The following RIT2 variants were observed in gnomAD, a reference collection of about 807,000 sequenced individuals.
RIT2 encodes Ras like without CAAX 2, also known as GTP-binding protein Rit2.
RIT2 carries 24 observed loss-of-function variants against 23.7 expected under a neutral mutation model. The ratio of observed to expected loss-of-function variants is 1.01; its 90% CI spans 0.73 to 1.43. The LOEUF is 1.43. RIT2 is among the 40% of genes most tolerant of loss of function. The pLI is 0.00. For synonymous variants in RIT2, 107 were observed against 91.1 expected, an observed-to-expected ratio of 1.17 and a Z score of -0.99; for missense variants, 236 against 266.9, an observed-to-expected ratio of 0.88 and a Z score of 0.81.
chr18:42,820,197 C>T (rs1906109163), intron 4 of RIT2, among the ~76,000 whole-genome samples: 1 of 152,092 alleles, frequency 6.6e-6, no homozygotes, highest in Admixed American at 6.6e-5. Context: ...TTTCTTTTCA[C>T]CACTGGCATT....
intron 3 of RIT2, among the ~76,000 whole-genome samples, chr18:42,962,907 C>G (rs1454475405): frequency 2.6e-5 from 4 of 152,104 alleles, no homozygotes; most frequent in Non-Finnish European, 5.9e-5. Flanking sequence ...TTCTATTGAT[C>G]AGAAGACATT....
At chr18:43,058,147 A>G (rs539141534) in intron 1 of RIT2, among the ~76,000 whole-genome samples, 1 of 152,266 alleles carries the variant, frequency 6.6e-6, no homozygotes, top group East Asian at 1.9e-4. Context: ...TTAGAAGCAC[A>G]AGCTTGGTTG....
intron 4 of RIT2, among the ~76,000 whole-genome samples, chr18:42,836,986 T>C (rs1439305025): frequency 6.6e-6 from 1 of 152,066 alleles, no homozygotes; most frequent in African/African-American, 2.4e-5. Context: ...AAACTATCTA[T>C]GGAGACAGCT....
chr18:43,052,262 C>T (rs762174438), intron 1 of RIT2, among the ~76,000 whole-genome samples: 14 of 151,956 alleles, frequency 9.2e-5, no homozygotes, highest in Non-Finnish European at 2.1e-4. Flanking sequence ...AAAAGACCTG[C>T]ACTTAAATCA....
chr18:42,749,380 A>T (rs932926324), intron 4 of RIT2, among the ~76,000 whole-genome samples: 3 of 151,832 alleles, frequency 2.0e-5, no homozygotes, highest in African/African-American at 7.2e-5. Flanking sequence ...ATAAACACTC[A>T]AATTTAATGA....
chr18:43,081,314 T>C (rs186761146), intron 1 of RIT2, among the ~76,000 whole-genome samples: 1 of 152,186 alleles, frequency 6.6e-6, no homozygotes, highest in Non-Finnish European at 1.5e-5. Context: ...GGAGCTAACA[T>C]CATTTATTAT....
intron 4 of RIT2, among the ~76,000 whole-genome samples, chr18:42,916,756 G>A (rs1248758640): frequency 6.6e-6 from 1 of 152,052 alleles, no homozygotes; most frequent in Non-Finnish European, 1.5e-5. Flanking sequence ...TATCTCATCT[G>A]TCCCACCCAA....
chr18:42,917,469 T>C (rs1467290321), intron 4 of RIT2, among the ~76,000 whole-genome samples: 3 of 152,076 alleles, frequency 2.0e-5, no homozygotes, highest in African/African-American at 7.2e-5. Context: ...GTGTGCAGTA[T>C]GAGTATGGAA....
rs184240225 is a variant in RIT2 at position 42,878,085 on chromosome 18, C to T, written c.426+45487G>A. Among the ~76,000 whole-genome samples the T allele has an allele frequency of 2.0e-5, 3 of 150,794 alleles. No homozygotes were observed. The East Asian group carries it at 5.8e-4, about 29-fold the overall frequency. ...GATACTCAAACTGTATAAGCATATTCATATACATACACACACATATATATA... is the reference window on the plus strand; with the variant it reads ...GATACTCAAACTGTATAAGCATATTTATATACATACACACACATATATATA... On this transcript the variant is annotated intron_variant, in intron 4 of 4. Transcript: ENST00000326695.
At chr18:42,996,899 CTG>C (rs1910997922) in intron 2 of RIT2, among the ~76,000 whole-genome samples, 1 of 152,176 alleles carries the variant, frequency 6.6e-6, no homozygotes, top group Non-Finnish European at 1.5e-5. Context: ...CCTATGAAAA[CTG>C]TTTTTCCTAG....
At chr18:42,812,974 TTC>T (rs1262178352) in intron 4 of RIT2, among the ~76,000 whole-genome samples, 2 of 152,336 alleles carry the variant, frequency 1.3e-5, no homozygotes, top group Admixed American at 6.5e-5. Context: ...TTAAACCATA[TTC>T]TGTTTTATTT....
chr18:42,827,772 G>A (rs1401968481), intron 4 of RIT2, among the ~76,000 whole-genome samples: 3 of 151,850 alleles, frequency 2.0e-5, no homozygotes, highest in East Asian at 3.9e-4. Flanking sequence ...TTGGGAGGCC[G>A]AGGCGGGCGG....
At chr18:42,965,666 T>C (rs907514184) in intron 3 of RIT2, among the ~76,000 whole-genome samples, 1 of 127,618 alleles carries the variant, frequency 7.8e-6, no homozygotes, top group Non-Finnish European at 1.6e-5. Context: ...TAAAGAAATA[T>C]AAAAATATAA....
chr18:42,904,827 C>A (rs76931064), intron 4 of RIT2, among the ~76,000 whole-genome samples: 1 of 151,692 alleles, frequency 6.6e-6, no homozygotes, highest in Middle Eastern at 3.2e-3. Flanking sequence ...CAGAACGGGG[C>A]GTCAAAAGAA....
chr18:42,870,495 T>C (rs1047517216), intron 4 of RIT2, among the ~76,000 whole-genome samples: 4 of 152,176 alleles, frequency 2.6e-5, no homozygotes, highest in Non-Finnish European at 5.9e-5. Context: ...ATTACAGGCG[T>C]GAGCCACCAC....
chr18:42,840,284 G>T (rs2144022618), intron 4 of RIT2, among the ~76,000 whole-genome samples: 1 of 152,082 alleles, frequency 6.6e-6, no homozygotes, highest in Non-Finnish European at 1.5e-5. Flanking sequence ...ATTCCCACAG[G>T]CCATACAATA....
chr18:43,099,817 C>T (rs147722442), intron 1 of RIT2, among the ~76,000 whole-genome samples: 2,899 of 152,220 alleles, frequency 0.019, 43 homozygotes, highest in Non-Finnish European at 0.028. Context: ...TAGGCCCCAA[C>T]GCTCTCCTAT....
chr18:43,025,549 G>A (rs1465524782), intron 2 of RIT2, among the ~76,000 whole-genome samples: 2 of 151,706 alleles, frequency 1.3e-5, no homozygotes, highest in Non-Finnish European at 2.9e-5. Flanking sequence ...ATAAAAGAAA[G>A]ACTGTATAAA....
intron 3 of RIT2, among the ~76,000 whole-genome samples, chr18:42,942,223 A>G (rs1909620738): frequency 6.6e-6 from 1 of 152,060 alleles, no homozygotes; most frequent in Admixed American, 6.6e-5. Context: ...ACCTCTCCAT[A>G]TGGCTTGGCA....
Sources: gnomAD v4.1 joint callset for allele counts (sites outside exome capture counted in the v4.1 genomes callset) on GRCh38, gnomAD v4.1.1 for gene constraint, MANE v1.5 for transcripts, NCBI Gene and HGNC (gene_info 2026-07-23, HGNC 2026-07-21) for gene names.